KHDRBS2: variants seen among roughly 807,000 people sequenced by gnomAD.
KHDRBS2 encodes the protein KH domain-containing, RNA-binding, signal transduction-associated protein 2.
KHDRBS2 carries 26 observed loss-of-function variants against 44.3 expected under a neutral mutation model. The ratio of observed to expected loss-of-function variants is 0.59; its 90% CI spans 0.43 to 0.81. The LOEUF (loss-of-function observed/expected upper bound fraction) is 0.81, where lower values mean the gene tolerates loss of function less well. Ranked by LOEUF, KHDRBS2 falls within the 40% of genes least tolerant of loss-of-function variation. The pLI is 0.00. For synonymous variants in KHDRBS2, 194 were observed against 151.1 expected (o/e 1.28, Z -2.08); for missense variants, 476 against 433.1 (o/e 1.10, Z -0.88).
intron 2 of KHDRBS2, among the ~76,000 whole-genome samples, chr6:62,065,885 C>G (rs1410115169): frequency 6.6e-6 from 1 of 151,750 alleles, no homozygotes; most frequent in Non-Finnish European, 1.5e-5. Context: ...AACACATACA[C>G]AATTCATGTA....
intron 2 of KHDRBS2, among the ~76,000 whole-genome samples, chr6:62,059,625 G>GA (rs781466093): frequency 1.6e-4 from 25 of 151,674 alleles, no homozygotes; most frequent in Non-Finnish European, 2.7e-4. Flanking sequence ...AAACGTTAGA[G>GA]AAAAAATTGG....
intron 6 of KHDRBS2, among the ~76,000 whole-genome samples, chr6:61,800,047 TA>T (rs1369471465): frequency 6.6e-6 from 1 of 152,134 alleles, no homozygotes; most frequent in African/African-American, 2.4e-5. Flanking sequence ...AATATGCCTA[TA>T]AGTATTATTG....
At chr6:62,107,973 C>G (rs1466806100) in intron 2 of KHDRBS2, among the ~76,000 whole-genome samples, 1 of 152,048 alleles carries the variant, frequency 6.6e-6, no homozygotes, top group Non-Finnish European at 1.5e-5. Flanking sequence ...AAACGTTAGA[C>G]CTAAAACCAT....
chr6:61,718,522 T>C (rs1402025775), intron 7 of KHDRBS2, among the ~76,000 whole-genome samples: 3 of 152,110 alleles, frequency 2.0e-5, no homozygotes, highest in Non-Finnish European at 4.4e-5. Context: ...TCCTGTTCTC[T>C]CCCTAGAGGA....
At chr6:62,090,591 T>TAA (rs1799320769) in intron 2 of KHDRBS2, among the ~76,000 whole-genome samples, 1 of 152,050 alleles carries the variant, frequency 6.6e-6, no homozygotes, top group Non-Finnish European at 1.5e-5. Context: ...TATTTAATTT[T>TAA]TTTTAACATT....
intron 6 of KHDRBS2, among the ~76,000 whole-genome samples, chr6:61,829,833 G>A (rs1302703709): frequency 2.0e-5 from 3 of 152,114 alleles, no homozygotes; most frequent in Non-Finnish European, 4.4e-5. Flanking sequence ...GGGACCCAGA[G>A]AGAACACATC....
chr6:61,881,108 T>G (rs1414576994), intron 6 of KHDRBS2, among the ~76,000 whole-genome samples: 1 of 151,860 alleles, frequency 6.6e-6, no homozygotes, highest in Admixed American at 6.6e-5. Context: ...GCTCAAACAT[T>G]CTCATATATC....
intron 2 of KHDRBS2, among the ~76,000 whole-genome samples, chr6:62,075,905 C>CTCTG: frequency 6.6e-6 from 1 of 151,278 alleles, no homozygotes; most frequent in Middle Eastern, 3.4e-3. Context: ...ATCTCTCTCT[C>CTCTG]TCTCTCTCTT....
chr6:61,817,795 G>C (rs558462626), intron 6 of KHDRBS2, among the ~76,000 whole-genome samples: 2 of 152,100 alleles, frequency 1.3e-5, no homozygotes, highest in African/African-American at 4.8e-5. Flanking sequence ...AATGAAGCTA[G>C]CTCTTTATAT....
intron 6 of KHDRBS2, among the ~76,000 whole-genome samples, chr6:61,778,450 C>T (rs1782441638): frequency 6.6e-6 from 1 of 152,084 alleles, no homozygotes; most frequent in Non-Finnish European, 1.5e-5. Flanking sequence ...TGGCTTATCT[C>T]ACAAGAAATT....
chr6:61,637,647 C>T, the KHDRBS2 span, among the ~76,000 whole-genome samples: 3 of 152,096 alleles, frequency 2.0e-5, no homozygotes, highest in African/African-American at 7.2e-5. Context: ...TACAGTCCCA[C>T]CAACAGTGTA....
the KHDRBS2 span, among the ~76,000 whole-genome samples, chr6:61,606,006 A>T: frequency 2.0e-5 from 3 of 152,050 alleles, no homozygotes; most frequent in Admixed American, 6.5e-5. Flanking sequence ...AATGATGACA[A>T]TACCTTGTGA....
At chr6:61,832,690 C>T (rs1792014947) in intron 6 of KHDRBS2, among the ~76,000 whole-genome samples, 1 of 152,008 alleles carries the variant, frequency 6.6e-6, no homozygotes. Flanking sequence ...GGCTGATTAC[C>T]AAACTCCTTA....
chr6:61,818,266 T>TAAAAAAAAAAAAAAAAA (rs60399147), intron 6 of KHDRBS2, among the ~76,000 whole-genome samples: 25 of 114,464 alleles, frequency 2.2e-4, no homozygotes, highest in African/African-American at 7.9e-4. Flanking sequence ...CCTCTGTAAG[T>TAAAAAAAAAAAAAAAAA]AAAAAAAAAA....
At position 61,706,123 on chromosome 6, in the gene KHDRBS2, A is replaced by G. The variant is rs536577767; in HGVS notation, c.894-8870T>C. On this transcript the variant is annotated intron_variant, in intron 7 of 8. Transcript: ENST00000281156. ...CTAAACAGCTACCTCCTAACCTGCA[A>G]TCCTCATCCAACAACTCATTGCATC... Among the ~76,000 whole-genome samples the G allele has an allele frequency of 1.9e-3, 284 of 151,830 alleles. 2 individuals are homozygous for G. The highest frequency in any genetic ancestry group is 6.1e-3 in the African/African-American group (255 of 41,474).
rs552528374 is a variant in KHDRBS2 at position 61,944,872 on chromosome 6, C to A, written c.483+33194G>T. On this transcript the variant is annotated intron_variant, in intron 4 of 8. Coordinates refer to ENST00000281156, the MANE Select transcript of KHDRBS2 (RefSeq NM_152688.4). ...TTGGGAGGCAGAGACAGGTGGATCA[C>A]CTGAGATCAGGAGCTCAAGACCAGT... 3.3e-5 allele frequency among the ~76,000 whole-genome samples: 5 copies of A among 151,516 alleles called. 1 individual carries two copies. In the South Asian group the frequency reaches 1.0e-3, roughly 32 times the overall value.
At chr6:62,063,585 C>T (rs1220847652) in intron 2 of KHDRBS2, among the ~76,000 whole-genome samples, 2 of 151,680 alleles carry the variant, frequency 1.3e-5, no homozygotes, top group African/African-American at 4.8e-5. Context: ...AACAACCCTT[C>T]ATGATAAAAA....
chr6:61,821,520 T>C (rs1789910940), intron 6 of KHDRBS2, among the ~76,000 whole-genome samples: 1 of 151,918 alleles, frequency 6.6e-6, no homozygotes, highest in Admixed American at 6.6e-5. Flanking sequence ...GCTGAGAGCG[T>C]ATAAAAGGTA....
At chr6:61,864,523 G>A (rs553299615) in intron 6 of KHDRBS2, among the ~76,000 whole-genome samples, 2 of 152,126 alleles carry the variant, frequency 1.3e-5, no homozygotes, top group African/African-American at 4.8e-5. Flanking sequence ...TTACTTATGA[G>A]GCTTAATTTG....
Sources: gnomAD v4.1 joint callset for allele counts (sites outside exome capture counted in the v4.1 genomes callset) on GRCh38, gnomAD v4.1.1 for gene constraint, MANE v1.5 for transcripts, NCBI Gene and HGNC (gene_info 2026-07-23, HGNC 2026-07-21) for gene names.